CUX1: variants seen among roughly 807,000 people sequenced by gnomAD.
CUX1 encodes the protein protein CASP.
A neutral mutation model predicts 158.8 loss-of-function variants in CUX1; 31 were observed. That is an observed-to-expected ratio of 0.20 (90% CI 0.15 to 0.26). The LOEUF (loss-of-function observed/expected upper bound fraction) is 0.26, where lower values mean the gene tolerates loss of function less well. CUX1 is among the 10% of genes least tolerant of loss of function. CUX1 has a pLI of 1.00. For missense variants in CUX1, 1,589 were observed against 2,014.6 expected (o/e 0.79, Z 4.04); for synonymous variants, 879 against 862.1 (o/e 1.02, Z -0.34).
rs193021071 is a variant in CUX1, at chr7:102,072,761, G to A, written c.268+2344G>A. ...TCCTGCCTCAAGAGCACTGTCCCTC[G>A]GGCATCAGCAGCCTGGCGGGCATCA... On this transcript the variant is annotated intron_variant, in intron 4 of 23. Coordinates refer to ENST00000292535, the MANE Select transcript of CUX1 (RefSeq NM_181552.4). Among the ~76,000 whole-genome samples, 20 of 152,188 alleles carry A rather than the reference G, an allele frequency of 1.3e-4. No homozygotes were observed. In the East Asian group the frequency reaches 2.9e-3, roughly 22 times the overall value.
Position 102,249,288 on chromosome 7 carries a change from A to C in CUX1, c.*246A>C. ...CGGGCCGACCCTGCGGCCTCCACCA[A>C]CCCCGCGGCCCAGACCCAGCCCGCG... On this transcript the variant is annotated 3_prime_UTR_variant, in exon 24 of 24. Transcript: ENST00000292535. 3 of 1,032,948 alleles carry C rather than the reference A, an allele frequency of 2.9e-6. No individual in the cohort carries two copies. The highest frequency in any genetic ancestry group is 7.9e-5 in the East Asian group (1 of 12,582). 64.0% of individuals were successfully genotyped at this position (1,032,948 alleles called of 1,614,324 possible).
rs377378447 is a variant in CUX1 at position 101,918,727 on chromosome 7, C to A, written c.141+2502C>A. ...CGCGGAAAGTCCAAGACGAGACCCACTTCACTTGTGCCAGCAGCCAGAGCT... is the reference window on the plus strand; with the variant it reads ...CGCGGAAAGTCCAAGACGAGACCCAATTCACTTGTGCCAGCAGCCAGAGCT... On this transcript the variant is annotated intron_variant, in intron 2 of 23. Transcript: ENST00000292535. Among the ~76,000 whole-genome samples the A allele has an allele frequency of 2.4e-4, 36 of 152,386 alleles. No individual in the cohort carries two copies. In the East Asian group the frequency reaches 6.7e-3, roughly 29 times the overall value.
chr7:101,928,118 T>C (rs1213451994), intron 2 of CUX1, among the ~76,000 whole-genome samples: 2 of 152,212 alleles, frequency 1.3e-5, no homozygotes, highest in Non-Finnish European at 2.9e-5. Context: ...GGAAGCACTG[T>C]CATTAGATTC....
chr7:102,136,180 A>G (rs1356229607), intron 8 of CUX1, among the ~76,000 whole-genome samples: 1 of 152,094 alleles, frequency 6.6e-6, no homozygotes, highest in African/African-American at 2.4e-5. Context: ...ATAAATACAT[A>G]TAGCTCTGGA....
chr7:102,220,587 G>A (rs782060957), intron 20 of CUX1, among the ~76,000 whole-genome samples: 3 of 152,094 alleles, frequency 2.0e-5, no homozygotes, highest in South Asian at 2.1e-4. Flanking sequence ...AGCACCGGTC[G>A]CTGGAAAGGC....
intron 11 of CUX1, among the ~76,000 whole-genome samples, chr7:102,180,574 CCTCGGCTCCCAA>C (rs528070703): frequency 6.6e-6 from 1 of 151,820 alleles, no homozygotes; most frequent in East Asian, 1.9e-4. Context: ...AATTCTCCCA[CCTCGGCTCCCAA>C]AACACTTTGG....
chr7:102,143,035 C>A (rs1158008364), intron 8 of CUX1, among the ~76,000 whole-genome samples: 3 of 152,214 alleles, frequency 2.0e-5, no homozygotes, highest in Non-Finnish European at 4.4e-5. Flanking sequence ...TGGGGCAAGT[C>A]CCCGGAGTGC....
chr7:102,123,004 G>A (rs1375771649), intron 8 of CUX1, among the ~76,000 whole-genome samples: 1 of 152,166 alleles, frequency 6.6e-6, no homozygotes, highest in Admixed American at 6.6e-5. Context: ...GCCGAGATGG[G>A]TGGATCACCT....
Position 102,257,103 on chromosome 7 carries a change from C to G in CUX1, c.*8061C>G. On this transcript the variant is annotated 3_prime_UTR_variant, in exon 24 of 24. Coordinates refer to ENST00000292535, the MANE Select transcript of CUX1 (RefSeq NM_181552.4). Reference sequence around the variant, plus strand: ...GCCAATCAGGTGTGAAGGTGAGGCGCCCTGCCTTGATCCCATGGGCCCAGC... The same window carrying G: ...GCCAATCAGGTGTGAAGGTGAGGCGGCCTGCCTTGATCCCATGGGCCCAGC... The G allele has an allele frequency of 2.0e-6, 2 of 985,354 alleles. No homozygotes were observed. Among genetic ancestry groups the G allele is most frequent in the Non-Finnish European group, 1.2e-6 (1 of 829,928 alleles). 61.0% of individuals were successfully genotyped at this position (985,354 alleles called of 1,614,324 possible). A position where few individuals can be genotyped will look rare whatever the true frequency, so the allele number is the denominator to read the frequency against.
chr7:101,916,429 T>C lies in CUX1; in HGVS notation c.141+204T>C. On this transcript the variant is annotated intron_variant, in intron 2 of 23. Transcript: ENST00000292535. This position sits in a 1 kb window ranked among gnomAD's most constrained non-coding sequence, Gnocchi z 4.4. ...CTGTGGGGATGTGGAAATTGATAGG[T>C]TGTCTGGAAATATGAAAGTCAGAGC... The C allele has an allele frequency of 2.1e-6, 1 of 469,910 alleles. No individual in the cohort carries two copies. Among genetic ancestry groups the C allele is most frequent in the East Asian group, 3.9e-5 (1 of 25,546 alleles). 29.1% of individuals were successfully genotyped at this position (469,910 alleles called of 1,614,324 possible).
chr7:101,871,328 T>TG (rs1798510449), intron 1 of CUX1, among the ~76,000 whole-genome samples: 2 of 152,120 alleles, frequency 1.3e-5, no homozygotes, highest in South Asian at 2.1e-4. Flanking sequence ...AGCCTTTTTT[T>TG]TTTTTTGTTA....
At chr7:102,271,605 C>A (rs1253584002) in intron 14 of CUX1, among the ~76,000 whole-genome samples, 1 of 152,220 alleles carries the variant, frequency 6.6e-6, no homozygotes, top group Non-Finnish European at 1.5e-5. Context: ...CCCAACCCTG[C>A]CCCCGACAGT....
intron 20 of CUX1, among the ~76,000 whole-genome samples, chr7:102,206,154 A>C (rs1378279785): frequency 6.6e-6 from 1 of 152,166 alleles, no homozygotes; most frequent in Non-Finnish European, 1.5e-5. Context: ...CTGCTTCTAC[A>C]AGAGACCAAA....
At position 101,959,274 on chromosome 7, in the gene CUX1, T is replaced by TGC. The variant is rs1554432648; in HGVS notation, c.141+43050_141+43051dup. 4.2e-5 allele frequency: 6 copies of TGC among 141,750 alleles called. No individual in the cohort carries two copies. The East Asian group carries it at 1.2e-3, about 28-fold the overall frequency. The allele number at this position is 141,750 out of a possible 1,614,324, so 8.8% of individuals were successfully genotyped here. A position where few individuals can be genotyped will look rare whatever the true frequency, so the allele number is the denominator to read the frequency against. On this transcript the variant is annotated intron_variant, in intron 2 of 23. Transcript: ENST00000292535. ...GTGTGTGTGTGTGTGTGTGTGTGTG[T>TGC]GCAAGAGAGCGTGGCTAAGACAAGG...
intron 1 of CUX1, among the ~76,000 whole-genome samples, chr7:101,857,852 G>A (rs1470664299): frequency 6.6e-6 from 1 of 152,212 alleles, no homozygotes; most frequent in African/African-American, 2.4e-5. Flanking sequence ...GCTGGGGGTG[G>A]TGGCTCACGC....
chr7:102,050,293 G>A (rs1235799507), intron 3 of CUX1, among the ~76,000 whole-genome samples: 1 of 152,178 alleles, frequency 6.6e-6, no homozygotes, highest in East Asian at 1.9e-4. Flanking sequence ...TAAAGATGAT[G>A]GCATAAAAGC....
At chr7:102,052,744 T>C (rs760550364) in intron 3 of CUX1, among the ~76,000 whole-genome samples, 5 of 152,242 alleles carry the variant, frequency 3.3e-5, no homozygotes, top group Non-Finnish European at 7.3e-5. Flanking sequence ...TGTGTAATTT[T>C]ACATTTCTGT....
intron 1 of CUX1, among the ~76,000 whole-genome samples, chr7:101,840,860 A>G (rs931748877): frequency 3.3e-5 from 5 of 151,826 alleles, no homozygotes; most frequent in African/African-American, 9.7e-5. Flanking sequence ...TTTTTGGTCT[A>G]TTGAGGTTTT....
intron 9 of CUX1, among the ~76,000 whole-genome samples, chr7:102,165,720 C>A (rs953250883): frequency 6.6e-6 from 1 of 152,044 alleles, no homozygotes; most frequent in Admixed American, 6.5e-5. Flanking sequence ...GAGGGATGGG[C>A]AGGGGTTGGG....
Sources: allele counts gnomAD v4.1 joint callset (sites outside exome capture counted in the v4.1 genomes callset), GRCh38; gene constraint gnomAD v4.1.1; non-coding constraint Gnocchi (gnomAD v3.1); transcripts MANE v1.5; gene names NCBI Gene and HGNC (gene_info 2026-07-23, HGNC 2026-07-21).